The following ANO1 variants were observed in gnomAD, a reference collection of about 807,000 sequenced individuals.
ANO1 encodes the protein anoctamin 1.
In ANO1, 59 loss-of-function variants were observed where a neutral mutation model predicts 124.0. The observed-to-expected ratio is 0.48, with a 90% CI of 0.39 to 0.59. ANO1 has a LOEUF of 0.59. Among genes scored for constraint, ANO1 ranks in the 20% least tolerant of loss-of-function variants. ANO1 has a pLI of 0.00. For missense variants in ANO1, 1,059 were observed against 1,328.0 expected, an observed-to-expected ratio of 0.80 and a Z score of 3.15; for synonymous variants, 529 against 532.0, an observed-to-expected ratio of 0.99 and a Z score of 0.08.
At chr11:70,074,461 T>C (rs1432854123), upstream of ANO1, among the ~76,000 whole-genome samples, 2 of 152,162 alleles carry the variant, frequency 1.3e-5, no homozygotes, top group Admixed American at 6.5e-5. Context: ...GTTGAATTCA[T>C]GGAGTGAGCT....
chr11:69,998,166 G>A (rs1856309425), intron 1 of ANO1, among the ~76,000 whole-genome samples: 2 of 152,114 alleles, frequency 1.3e-5, no homozygotes, highest in South Asian at 4.1e-4. Context: ...GTAACTAGGT[G>A]TTTTAGACTG....
intron 1 of ANO1, among the ~76,000 whole-genome samples, chr11:70,059,950 C>CTTTTTTTT (rs36021561): frequency 2.6e-5 from 2 of 75,542 alleles, no homozygotes; most frequent in Non-Finnish European, 2.4e-5. Flanking sequence ...AGGCGTTGGC[C>CTTTTTTTT]TTTTTTTTTT....
At chr11:70,132,880 A>G (rs2046816327) in intron 11 of ANO1, among the ~76,000 whole-genome samples, 1 of 152,172 alleles carries the variant, frequency 6.6e-6, no homozygotes, top group Non-Finnish European at 1.5e-5. Context: ...TTAAGCCCCC[A>G]TCCTTACCTG....
chr11:70,025,545 G>A (rs1856879827), intron 1 of ANO1, among the ~76,000 whole-genome samples: 1 of 151,518 alleles, frequency 6.6e-6, no homozygotes, highest in Non-Finnish European at 1.5e-5. Flanking sequence ...AATGATAGTG[G>A]TGATGGTGAT....
At chr11:70,127,919 C>G (rs2046587676) in intron 10 of ANO1, among the ~76,000 whole-genome samples, 3 of 152,210 alleles carry the variant, frequency 2.0e-5, no homozygotes, top group African/African-American at 7.2e-5. Context: ...CTGACCCTGC[C>G]CTGCAAGGGC....
intron 19 of ANO1, 157 bp from the exon 20 acceptor site, chr11:70,165,313 A>G: frequency 1.5e-6 from 1 of 646,944 alleles, no homozygotes; most frequent in East Asian, 2.7e-5. Context: ...CCTTTTTGCA[A>G]ATAAGGCCAC....
chr11:70,041,053 A>G (rs1452041772), intron 1 of ANO1, among the ~76,000 whole-genome samples: 1 of 152,142 alleles, frequency 6.6e-6, no homozygotes, highest in African/African-American at 2.4e-5. Context: ...GGGACTCTCC[A>G]TTGCCCTCCA....
intron 1 of ANO1, among the ~76,000 whole-genome samples, chr11:70,079,427 A>T (rs2044137581): frequency 6.6e-6 from 1 of 151,976 alleles, no homozygotes; most frequent in Non-Finnish European, 1.5e-5. Context: ...TGGGGACCCC[A>T]TCCTGAGGTC....
intron 1 of ANO1, among the ~76,000 whole-genome samples, chr11:69,993,877 T>G (rs1007541138): frequency 6.6e-6 from 1 of 152,192 alleles, no homozygotes; most frequent in Non-Finnish European, 1.5e-5. Flanking sequence ...TCATCCCCTC[T>G]TCCCTGCTCC....
chr11:70,049,952 C>G (rs1406266645), intron 1 of ANO1, among the ~76,000 whole-genome samples: 1 of 152,208 alleles, frequency 6.6e-6, no homozygotes, highest in African/African-American at 2.4e-5. Context: ...AACTCCTGAC[C>G]TCAGGTGATC....
intron 11 of ANO1, among the ~76,000 whole-genome samples, chr11:70,145,648 G>A (rs1049080996): frequency 1.3e-5 from 2 of 151,994 alleles, no homozygotes; most frequent in Non-Finnish European, 2.9e-5. Flanking sequence ...AGAATACCAC[G>A]GTTCAATGCC....
At chr11:70,006,569 T>C (rs1185776540) in intron 1 of ANO1, among the ~76,000 whole-genome samples, 1 of 109,778 alleles carries the variant, frequency 9.1e-6, no homozygotes, top group Admixed American at 9.7e-5. Context: ...TTTCTTTTCT[T>C]TCTTTCTTTC....
chr11:70,087,842 G>T lies in ANO1; in HGVS notation c.199G>T (p.Val67Leu), dbSNP rs1180892538. ...CCGGCGCAAGGTGGACTACATCCTG[G>T]TGTACCATCACAAGAGGCCCTCGGG... The part of the protein sequence containing the change: ...DGRRKVDYIL[V>L]YHHKRPSGNR... Residue 67 changes from valine to leucine, a missense_variant, in exon 2 of 26, where the codon GTG becomes TTG. Val to Leu is a conservative substitution (Grantham distance 32). Coordinates refer to ENST00000355303, the MANE Select transcript of ANO1 (RefSeq NM_018043.7). 6.2e-7 allele frequency: 1 copy of T among 1,612,990 alleles called. No homozygotes were observed. The highest frequency in any genetic ancestry group is 1.3e-5 in the African/African-American group (1 of 74,928).
chr11:70,050,738 G>A (rs1555006206), intron 1 of ANO1, among the ~76,000 whole-genome samples: 1 of 152,140 alleles, frequency 6.6e-6, no homozygotes, highest in East Asian at 1.9e-4. Flanking sequence ...CAGAAGACGT[G>A]GTATTTGAAG....
chr11:69,971,577 T>G, the ANO1 span, among the ~76,000 whole-genome samples: 1 of 152,162 alleles, frequency 6.6e-6, no homozygotes, highest in Non-Finnish European at 1.5e-5. Context: ...CCTCCTCCCT[T>G]CCTTCTTGTT....
At chr11:70,096,860 C>CAAA (rs1337102009) in intron 2 of ANO1, among the ~76,000 whole-genome samples, 1 of 151,172 alleles carries the variant, frequency 6.6e-6, no homozygotes, top group Non-Finnish European at 1.5e-5. Flanking sequence ...GACTCTGTCT[C>CAAA]AAAAAATAAT....
At chr11:70,149,059 G>A (rs1250552309) in intron 11 of ANO1, among the ~76,000 whole-genome samples, 3 of 152,310 alleles carry the variant, frequency 2.0e-5, no homozygotes, top group Non-Finnish European at 2.9e-5. Context: ...TTTGAAGCCC[G>A]AGTGAGTGAG....
At chr11:70,081,997 T>C (rs1455909739) in intron 1 of ANO1, among the ~76,000 whole-genome samples, 1 of 152,244 alleles carries the variant, frequency 6.6e-6, no homozygotes, top group Admixed American at 6.5e-5. Context: ...TACCTTCAGA[T>C]CATCGATCAC....
chr11:70,027,490 C>T (rs1303806541), intron 1 of ANO1, among the ~76,000 whole-genome samples: 1 of 152,230 alleles, frequency 6.6e-6, no homozygotes, highest in Non-Finnish European at 1.5e-5. Flanking sequence ...GAATAATCCT[C>T]AGCGGAACTA....
Sources: allele counts gnomAD v4.1 joint callset (sites outside exome capture counted in the v4.1 genomes callset), GRCh38; gene constraint gnomAD v4.1.1; transcripts MANE v1.5; gene names NCBI Gene and HGNC (gene_info 2026-07-23, HGNC 2026-07-21).